The following ZNF273 variants were observed in gnomAD, a reference collection of about 807,000 sequenced individuals.
ZNF273 encodes the protein zinc finger protein 9.
In ZNF273, 11 loss-of-function variants were observed where a neutral mutation model predicts 14.9. The ratio of observed to expected loss-of-function variants is 0.74; its 90% CI spans 0.46 to 1.22. The LOEUF (loss-of-function observed/expected upper bound fraction) is 1.22. Among genes scored for constraint, ZNF273 ranks in the 50% most tolerant of loss-of-function variants. The pLI is 0.00. For synonymous variants in ZNF273, 199 were observed against 223.9 expected (o/e 0.89, Z 0.99); for missense variants, 577 against 660.6 (o/e 0.87, Z 1.39).
intron 3 of ZNF273, among the ~76,000 whole-genome samples, chr7:64,919,480 A>T (rs73137831): frequency 6.6e-6 from 1 of 152,038 alleles, no homozygotes; most frequent in Non-Finnish European, 1.5e-5. Context: ...GTATTTACTA[A>T]AAATACAAAA....
intron 1 of ZNF273, among the ~76,000 whole-genome samples, chr7:64,886,241 G>T (rs902205025): frequency 6.6e-6 from 1 of 152,172 alleles, no homozygotes; most frequent in Non-Finnish European, 1.5e-5. Context: ...AGTTGAATGA[G>T]CCCAGAACAT....
chr7:64,894,385 A>G (rs895506905), downstream of ZNF273, among the ~76,000 whole-genome samples: 1 of 152,228 alleles, frequency 6.6e-6, no homozygotes, highest in African/African-American at 2.4e-5. Flanking sequence ...TAAATATAAC[A>G]CTAAAAAACT....
downstream of ZNF273, among the ~76,000 whole-genome samples, chr7:64,934,289 T>C (rs1410268575): frequency 6.6e-6 from 1 of 152,192 alleles, no homozygotes; most frequent in Non-Finnish European, 1.5e-5. Context: ...CTGTTTGTTG[T>C]ATCAGATTTT....
At chr7:64,932,164 A>T (rs533726350), downstream of ZNF273, among the ~76,000 whole-genome samples, 1 of 151,978 alleles carries the variant, frequency 6.6e-6, no homozygotes, top group Non-Finnish European at 1.5e-5. Context: ...TTAAGATAAA[A>T]GGCATACGCT....
downstream of ZNF273, among the ~76,000 whole-genome samples, chr7:64,894,559 A>G (rs890212186): frequency 3.3e-5 from 5 of 151,626 alleles, no homozygotes; most frequent in African/African-American, 1.2e-4. Flanking sequence ...GTCTCCACAA[A>G]TTTAGGCTTA....
chr7:64,913,943 A>G (rs2129073187), intron 1 of ZNF273, among the ~76,000 whole-genome samples: 1 of 151,754 alleles, frequency 6.6e-6, no homozygotes, highest in Non-Finnish European at 1.5e-5. Context: ...AGTTCTGTTT[A>G]ATGTTCTTGG....
chr7:64,923,760 C>T (rs1433058876), intron 3 of ZNF273: 1 of 173,028 alleles, frequency 5.8e-6, no homozygotes, highest in Non-Finnish European at 1.2e-5. Context: ...GAAAATGACT[C>T]TTCATATGAC....
chr7:64,908,504 C>CTA (rs1470227880), intron 1 of ZNF273, among the ~76,000 whole-genome samples: 2 of 152,298 alleles, frequency 1.3e-5, no homozygotes, highest in African/African-American at 4.8e-5. Flanking sequence ...GTTACTCAGG[C>CTA]TACAGTGCAG....
downstream of ZNF273, among the ~76,000 whole-genome samples, chr7:64,935,549 G>GTCTCAC (rs1196263695): frequency 6.6e-6 from 1 of 152,042 alleles, no homozygotes; most frequent in African/African-American, 2.4e-5. Flanking sequence ...TTGAAACAGA[G>GTCTCAC]TCTCACTCTG....
At chr7:64,890,797 TG>T (rs1791981496), downstream of ZNF273, among the ~76,000 whole-genome samples, 1 of 147,810 alleles carries the variant, frequency 6.8e-6, no homozygotes, top group Admixed American at 6.8e-5. Context: ...GGCTCAGTGA[TG>T]GGGCAAAGGC....
intron 3 of ZNF273, 143 bp from the exon 4 acceptor site, chr7:64,927,511 T>C: frequency 4.5e-6 from 3 of 663,366 alleles, no homozygotes; most frequent in Non-Finnish European, 4.9e-6. Context: ...GTTACATTGA[T>C]ATGTCTGTGA....
chr7:64,915,558 C>A (rs373554719), intron 1 of ZNF273, among the ~76,000 whole-genome samples: 1 of 152,242 alleles, frequency 6.6e-6, no homozygotes, highest in Non-Finnish European at 1.5e-5. Flanking sequence ...GCACAGATCG[C>A]CCATGCTATT....
intron 3 of ZNF273, among the ~76,000 whole-genome samples, chr7:64,922,188 G>A (rs1367526643): frequency 6.7e-6 from 1 of 148,950 alleles, no homozygotes; most frequent in East Asian, 2.0e-4. Context: ...CATCAACCAC[G>A]CTGGTTTGCA....
At chr7:64,903,482 T>A in intron 1 of ZNF273, 63 bp downstream of exon 1, 1 of 1,490,200 alleles carries the variant, frequency 6.7e-7, no homozygotes. Context: ...TGGTGGGAAG[T>A]GGATGTGGCG....
In ZNF273 at chr7:64,930,056, GT is replaced by G. The variant is rs1794948952; in HGVS notation, c.*1021del. 1 of 152,022 alleles carries G rather than the reference GT, an allele frequency of 6.6e-6. No individual in the cohort carries two copies. The highest frequency in any genetic ancestry group is 2.1e-4 in the South Asian group (1 of 4,822). 9.4% of individuals were successfully genotyped at this position (152,022 alleles called of 1,614,324 possible). On this transcript the variant is annotated 3_prime_UTR_variant, in exon 4 of 4. Coordinates refer to ENST00000476120, the MANE Select transcript of ZNF273 (RefSeq NM_021148.3). The stretch of plus-strand genomic sequence containing the variant: ...TTTTTGTGGTTTTAGTAGAGACAGG[GT>G]TTCTCCATGTTGGTCAGTCTGGTCT...
chr7:64,925,111 A>G, intron 3 of ZNF273, among the ~76,000 whole-genome samples: 1 of 151,992 alleles, frequency 6.6e-6, no homozygotes, highest in East Asian at 1.9e-4. Flanking sequence ...CGATTTTTCA[A>G]TTTTTTAAAT....
chr7:64,932,813 T>G (rs1333938316), downstream of ZNF273, among the ~76,000 whole-genome samples: 1 of 152,084 alleles, frequency 6.6e-6, no homozygotes, highest in Non-Finnish European at 1.5e-5. Flanking sequence ...TCCCAGCTAC[T>G]TTGAAGGCTG....
chr7:64,893,200 AC>A (rs1220920855), downstream of ZNF273, among the ~76,000 whole-genome samples: 1 of 152,120 alleles, frequency 6.6e-6, no homozygotes, highest in East Asian at 1.9e-4. Flanking sequence ...TTTTTTTTCT[AC>A]TTTCTGTATC....
intron 1 of ZNF273, among the ~76,000 whole-genome samples, chr7:64,909,188 A>G (rs1253544890): frequency 1.3e-5 from 2 of 150,762 alleles, no homozygotes; most frequent in African/African-American, 4.9e-5. Context: ...ATGTGCTGCG[A>G]TTACAGGCGT....
Sources: gnomAD v4.1 joint callset for allele counts (sites outside exome capture counted in the v4.1 genomes callset) on GRCh38, gnomAD v4.1.1 for gene constraint, MANE v1.5 for transcripts, NCBI Gene and HGNC (gene_info 2026-07-23, HGNC 2026-07-21) for gene names.